FNDC3B: variants seen among roughly 807,000 people sequenced by gnomAD.
FNDC3B encodes the protein fibronectin type III domain containing 3B.
Under a neutral mutation model 151.5 loss-of-function variants are expected in FNDC3B, and 12 were observed. The ratio of observed to expected loss-of-function variants is 0.08; its 90% CI spans 0.05 to 0.13. The LOEUF is 0.13. Among genes scored for constraint, FNDC3B ranks in the 10% least tolerant of loss-of-function variants. The probability of loss-of-function intolerance (pLI) is 1.00; values close to 1 mark genes in which losing one functional copy is unlikely to be tolerated. For missense variants in FNDC3B, 1,214 were observed against 1,505.3 expected (o/e 0.81, Z 3.20); for synonymous variants, 528 against 549.0 (o/e 0.96, Z 0.54).
rs369868097 is a variant in FNDC3B at position 172,122,552 on chromosome 3, C to G, written c.111+9962C>G. On this transcript the variant is annotated intron_variant, in intron 2 of 25. Coordinates refer to ENST00000415807, the MANE Select transcript of FNDC3B (RefSeq NM_022763.4). ...GCATGTGCTGCTTTAGTGTTAATGC[C>G]TACATTGGTATTTCTTCCCTGCCCT... 2.1e-4 allele frequency among the ~76,000 whole-genome samples: 32 copies of G among 152,334 alleles called. No individual in the cohort carries two copies. In the South Asian group the frequency reaches 6.6e-3, roughly 32 times the overall value.
rs989729742 is a variant in FNDC3B, at chr3:172,330,708, A to G, written c.1547A>G (p.Asp516Gly). Residue 516 changes from aspartate to glycine, a missense_variant, in exon 13 of 26, where the codon GAT becomes GGT. Transcript: ENST00000415807. ...ACCTACACCTTGGAAATTCAGGAGGATGAAAATGTGAGTTTTACAGATTTT... is the reference window on the plus strand; with the variant it reads ...ACCTACACCTTGGAAATTCAGGAGGGTGAAAATGTGAGTTTTACAGATTTT... ...VITYTLEIQE[D>G]ENDNLFHPKY... 1.2e-6 allele frequency: 2 copies of G among 1,612,622 alleles called. No individual in the cohort carries two copies. Among genetic ancestry groups the G allele is most frequent in the Non-Finnish European group, 1.7e-6 (2 of 1,178,960 alleles).
chr3:172,239,254 A>G (rs2108758518), intron 4 of FNDC3B, among the ~76,000 whole-genome samples: 1 of 152,198 alleles, frequency 6.6e-6, no homozygotes, highest in African/African-American at 2.4e-5. Flanking sequence ...AGAATCCTGG[A>G]TTCTGCCTAC....
intron 3 of FNDC3B, among the ~76,000 whole-genome samples, chr3:172,208,854 G>GT (rs1457176605): frequency 6.6e-6 from 1 of 152,172 alleles, no homozygotes; most frequent in South Asian, 2.1e-4. Flanking sequence ...CATTCTGGCT[G>GT]TTGCAGTGGG....
intron 9 of FNDC3B, among the ~76,000 whole-genome samples, chr3:172,299,747 A>T (rs1730809515): frequency 6.6e-6 from 1 of 152,006 alleles, no homozygotes; most frequent in African/African-American, 2.4e-5. Flanking sequence ...TGATTTCGGG[A>T]TGAGGTTGGA....
intron 6 of FNDC3B, among the ~76,000 whole-genome samples, chr3:172,259,808 TTAC>T (rs1369574707): frequency 6.6e-6 from 1 of 152,222 alleles, no homozygotes; most frequent in African/African-American, 2.4e-5. Context: ...TTAAAGATGT[TTAC>T]TACATGATTC....
intron 21 of FNDC3B, among the ~76,000 whole-genome samples, chr3:172,348,828 C>T (rs572480469): frequency 2.6e-4 from 40 of 152,274 alleles, no homozygotes; most frequent in South Asian, 8.3e-4. Flanking sequence ...GAAGGGAGTA[C>T]TACTTTTAAG....
chr3:172,189,989 G>T (rs559117245), intron 3 of FNDC3B, among the ~76,000 whole-genome samples: 5 of 152,134 alleles, frequency 3.3e-5, no homozygotes, highest in Admixed American at 6.5e-5. Flanking sequence ...CTATTGTGCA[G>T]ATGAGGAAAC....
chr3:172,119,190 A>AAG (rs1333452433), intron 2 of FNDC3B, among the ~76,000 whole-genome samples: 9 of 151,198 alleles, frequency 6.0e-5, no homozygotes, highest in Non-Finnish European at 1.3e-4. Context: ...AAAAAAAAAA[A>AAG]AAGAATGAGA....
intron 2 of FNDC3B, among the ~76,000 whole-genome samples, chr3:172,124,154 G>A (rs776146517): frequency 6.6e-6 from 1 of 151,938 alleles, no homozygotes; most frequent in East Asian, 1.9e-4. Context: ...GCAATGGCGC[G>A]ATCTCAGCTC....
At position 172,328,932 on chromosome 3, in the gene FNDC3B, G is replaced by C; in HGVS notation, c.1255-20G>C. 2 of 1,509,340 alleles carry C rather than the reference G, an allele frequency of 1.3e-6. No homozygotes were observed. The highest frequency in any genetic ancestry group is 9.1e-7 in the Non-Finnish European group (1 of 1,103,812). The allele number at this position is 1,509,340 out of a possible 1,614,324, so 93.5% of individuals were successfully genotyped here. ...TTTTTTTTTTTTAAGTATATGCATT[G>C]TTTCATTGTTTACTTTTAGGGAAAA... is the stretch of plus-strand genomic sequence containing the variant. On this transcript the variant is annotated intron_variant, in intron 11 of 25. Transcript: ENST00000415807.
intron 3 of FNDC3B, among the ~76,000 whole-genome samples, chr3:172,188,831 ACT>A (rs916729980): frequency 1.5e-4 from 23 of 151,664 alleles, no homozygotes; most frequent in African/African-American, 4.8e-4. Context: ...AAAGTGTGAA[ACT>A]CTCAATCAGA....
At chr3:172,341,445 G>T (rs1445441428) in intron 17 of FNDC3B, among the ~76,000 whole-genome samples, 4 of 152,114 alleles carry the variant, frequency 2.6e-5, no homozygotes, top group African/African-American at 9.7e-5. Flanking sequence ...GTATTTTCGG[G>T]TACATTTGTC....
rs181545603 is a variant in FNDC3B at position 172,055,828 on chromosome 3, T to G, written c.-29+16057T>G. 8.5e-5 allele frequency among the ~76,000 whole-genome samples: 13 copies of G among 152,100 alleles called. No individual in the cohort carries two copies. In the East Asian group the frequency reaches 2.5e-3, roughly 29 times the overall value. On this transcript the variant is annotated intron_variant, in intron 1 of 25. Transcript: ENST00000415807. Reference sequence around the variant, plus strand: ...CGGAGTCTTGTTCTGTCGCCCAGGCTGGAGTGCAGTGGTGCGATCTCGGCT... The same window carrying G: ...CGGAGTCTTGTTCTGTCGCCCAGGCGGGAGTGCAGTGGTGCGATCTCGGCT...
At chr3:172,196,140 G>T (rs182119740) in intron 3 of FNDC3B, among the ~76,000 whole-genome samples, 1 of 152,272 alleles carries the variant, frequency 6.6e-6, no homozygotes, top group East Asian at 1.9e-4. Context: ...TTGCTGGGAA[G>T]ATTTTTCAGA....
In FNDC3B at chr3:172,352,856, G is replaced by T. The variant is rs113685139; in HGVS notation, c.2568G>T (p.Thr856=). Residue 856 remains threonine, a synonymous_variant, in exon 22 of 26, where the codon ACG becomes ACT. Transcript: ENST00000415807. The surrounding 1 kb of genome is among the most constrained non-coding windows in gnomAD (Gnocchi z 4.2). ...ACAGTGAACTTGTCCTTTGCCAGAC[G>T]CCAGCGTCTGCCCCTGACCCCGTCT... ...GPYSELVLCQ[T]PASAPDPVST... is the part of the protein sequence containing the mutation. The T allele has an allele frequency of 4.2e-5, 67 of 1,614,128 alleles. No individual in the cohort carries two copies. The African/African-American group carries it at 6.9e-4, about 17-fold the overall frequency.
chr3:172,295,300 A>G (rs1730547161), intron 7 of FNDC3B, 63 bp from the exon 8 acceptor site: 1 of 1,489,934 alleles, frequency 6.7e-7, no homozygotes, highest in Admixed American at 1.9e-5. Context: ...TTATGCCACT[A>G]CTAATAATTC....
At chr3:172,042,078 A>AT (rs1258387599) in intron 1 of FNDC3B, among the ~76,000 whole-genome samples, 4 of 146,304 alleles carry the variant, frequency 2.7e-5, no homozygotes, top group Non-Finnish European at 4.6e-5. Flanking sequence ...TTACTTTAAG[A>AT]TAAAAAAAAT....
At position 172,080,130 on chromosome 3, in the gene FNDC3B, T is replaced by G. The variant is rs143718638; in HGVS notation, c.-28-32322T>G. 4.6e-3 allele frequency among the ~76,000 whole-genome samples: 705 copies of G among 152,360 alleles called. 6 individuals are homozygous for G. Among genetic ancestry groups the G allele is most frequent in the African/African-American group, 0.016 (657 of 41,586 alleles). On this transcript the variant is annotated intron_variant, in intron 1 of 25. Transcript: ENST00000415807. Reference sequence around the variant, plus strand: ...AAAAAAAAAGGGGTACTACCCAGTTTCATTAATTGCCTTGTATCCAGGGCT... The same window carrying G: ...AAAAAAAAAGGGGTACTACCCAGTTGCATTAATTGCCTTGTATCCAGGGCT...
At chr3:172,377,698 A>AT (rs202205661) in intron 23 of FNDC3B, among the ~76,000 whole-genome samples, 40 of 151,354 alleles carry the variant, frequency 2.6e-4, no homozygotes, top group Admixed American at 8.6e-4. Flanking sequence ...TGAACACAGC[A>AT]TTTTTTTTTC....
Sources: allele counts gnomAD v4.1 joint callset (sites outside exome capture counted in the v4.1 genomes callset), GRCh38; gene constraint gnomAD v4.1.1; non-coding constraint Gnocchi (gnomAD v3.1); transcripts MANE v1.5; gene names NCBI Gene and HGNC (gene_info 2026-07-23, HGNC 2026-07-21).